RTN1: variants seen among roughly 807,000 people sequenced by gnomAD.
RTN1 encodes the protein reticulon 1.
In RTN1, 25 loss-of-function variants were observed where a neutral mutation model predicts 65.5. That is an observed-to-expected ratio of 0.38 (90% confidence interval 0.28 to 0.53). The LOEUF is 0.53. Ranked by LOEUF, RTN1 falls within the 20% of genes least tolerant of loss-of-function variation. The probability of loss-of-function intolerance (pLI) is 0.79; values close to 1 mark genes in which losing one functional copy is unlikely to be tolerated. For missense variants in RTN1, 983 were observed against 1,025.4 expected (o/e 0.96, Z 0.57); for synonymous variants, 471 against 447.6 (o/e 1.05, Z -0.66).
intron 1 of RTN1, among the ~76,000 whole-genome samples, chr14:59,840,386 G>A (rs972009729): frequency 6.6e-6 from 1 of 152,128 alleles, no homozygotes; most frequent in African/African-American, 2.4e-5. Flanking sequence ...TTTGTATAGT[G>A]GCTAAGAGCA....
intron 1 of RTN1, among the ~76,000 whole-genome samples, chr14:59,781,086 CA>C (rs574388721): frequency 1.3e-5 from 2 of 152,124 alleles, no homozygotes; most frequent in Non-Finnish European, 2.9e-5. Flanking sequence ...AGTACCCCAA[CA>C]ACCATGTGGA....
intron 1 of RTN1, among the ~76,000 whole-genome samples, chr14:59,767,126 C>T (rs1217676380): frequency 6.6e-6 from 1 of 152,240 alleles, no homozygotes; most frequent in Non-Finnish European, 1.5e-5. Flanking sequence ...AGTAAGTCCT[C>T]TCCCCACTCT....
chr14:59,804,332 G>C (rs143526352), intron 1 of RTN1, among the ~76,000 whole-genome samples: 143 of 152,226 alleles, frequency 9.4e-4, no homozygotes, highest in African/African-American at 3.3e-3. Flanking sequence ...ATAGAGGCCA[G>C]TGCCATTCTC....
chr14:59,715,899 A>C (rs1345803764), intron 3 of RTN1, among the ~76,000 whole-genome samples: 1 of 152,012 alleles, frequency 6.6e-6, no homozygotes, highest in Non-Finnish European at 1.5e-5. Context: ...CAATTAGACT[A>C]TTTTACTTAT....
intron 3 of RTN1, among the ~76,000 whole-genome samples, chr14:59,695,807 C>T (rs570528693): frequency 2.6e-4 from 39 of 151,866 alleles, no homozygotes; most frequent in East Asian, 5.8e-4. Flanking sequence ...TATATCAGCA[C>T]GATTTTGCTA....
chr14:59,828,837 T>C (rs533088576), intron 1 of RTN1, among the ~76,000 whole-genome samples: 1 of 152,278 alleles, frequency 6.6e-6, no homozygotes, highest in African/African-American at 2.4e-5. Context: ...AAGATACATA[T>C]ACTCATAGAT....
At chr14:59,761,086 C>T (rs1235302017) in intron 1 of RTN1, among the ~76,000 whole-genome samples, 1 of 152,130 alleles carries the variant, frequency 6.6e-6, no homozygotes, top group East Asian at 1.9e-4. Context: ...CATGCCGGTA[C>T]ATAAGTTGTC....
chr14:59,631,003 C>T (rs889724706), intron 3 of RTN1, among the ~76,000 whole-genome samples: 6 of 152,158 alleles, frequency 3.9e-5, no homozygotes, highest in Admixed American at 2.0e-4. Flanking sequence ...ACCAAGTCAA[C>T]GGCATCATAA....
At chr14:59,777,277 A>G (rs1430199023) in intron 1 of RTN1, among the ~76,000 whole-genome samples, 2 of 152,076 alleles carry the variant, frequency 1.3e-5, no homozygotes, top group African/African-American at 4.8e-5. Context: ...AATCCCTGGG[A>G]GTCTGGTTGC....
intron 2 of RTN1, among the ~76,000 whole-genome samples, chr14:59,735,716 G>T (rs562092175): frequency 1.3e-5 from 2 of 152,060 alleles, no homozygotes; most frequent in African/African-American, 2.4e-5. Context: ...CACACAACAC[G>T]TGGGCACCCA....
At position 59,727,116 on chromosome 14, in the gene RTN1, A is replaced by G. The variant is rs1884781937; in HGVS notation, c.1568T>C (p.Leu523Pro). ...RRGLAEPGSF[L>P]DYPSTEPQPG... ...CTGGGGCTCAGTTGAGGGGTAGTCG[A>G]GGAAGGAACCCGGCTCGGCCAGGCC... Residue 523 changes from leucine to proline, a missense_variant, in exon 3 of 9, where the codon CTC (leucine) becomes CCC (proline). Physicochemically the swap from Leu to Pro is moderately conservative, Grantham distance 98 (BLOSUM62 -3). This residue lies in a region of RTN1 where 818 missense variants were observed against 801.8 expected (regional missense o/e 1.02). Transcript: ENST00000267484. The surrounding 1 kb of genome is among the most constrained non-coding windows in gnomAD (Gnocchi z 4.2). 1.2e-6 allele frequency: 2 copies of G among 1,608,984 alleles called. No individual in the cohort carries two copies. The highest frequency in any genetic ancestry group is 1.7e-6 in the Non-Finnish European group (2 of 1,177,878).
At position 59,841,990 on chromosome 14, in the gene RTN1, G is replaced by A. The variant is rs1246360391; in HGVS notation, c.241+28400C>T. ...AAAATACAAAAATTAGCTGGGCATG[G>A]TGGTGCGTGCCTGTAGTCCCAGCTA... On this transcript the variant is annotated intron_variant, in intron 1 of 8. Coordinates refer to ENST00000267484, the MANE Select transcript of RTN1 (RefSeq NM_021136.3). 2.0e-5 allele frequency among the ~76,000 whole-genome samples: 3 copies of A among 152,042 alleles called. 1 individual carries two copies. Among genetic ancestry groups the A allele is most frequent in the Non-Finnish European group, 4.4e-5 (3 of 68,024 alleles).
chr14:59,720,055 T>C (rs1216258751), intron 3 of RTN1, among the ~76,000 whole-genome samples: 1 of 152,006 alleles, frequency 6.6e-6, no homozygotes, highest in African/African-American at 2.4e-5. Flanking sequence ...ACTAGGAGGG[T>C]TTATTGTGTC....
chr14:59,640,102 G>A (rs923150399), intron 3 of RTN1, among the ~76,000 whole-genome samples: 3 of 152,130 alleles, frequency 2.0e-5, no homozygotes, highest in Non-Finnish European at 4.4e-5. Context: ...TTTGCTGAAA[G>A]AGTTTATGTA....
At chr14:59,731,486 A>G (rs955357863) in intron 2 of RTN1, among the ~76,000 whole-genome samples, 23 of 152,194 alleles carry the variant, frequency 1.5e-4, no homozygotes, top group Middle Eastern at 3.2e-3. Context: ...TGTATAGTAT[A>G]TGGATTATAT....
At chr14:59,820,123 G>C (rs1886914098) in intron 1 of RTN1, among the ~76,000 whole-genome samples, 1 of 152,214 alleles carries the variant, frequency 6.6e-6, no homozygotes, top group South Asian at 2.1e-4. Context: ...TTGTGGTTTT[G>C]ATTTGCATTT....
Position 59,607,391 on chromosome 14 carries a change from C to T in RTN1, c.1867G>A (p.Val623Ile), listed in dbSNP as rs577799438. The part of the protein sequence containing the change: ...FSLTQFSVVS[V>I]VAYLALAALS... ...GCGGCCAGGGCCAGGTAGGCCACGACGCTCACCACGCTGAACTGGGTCAGG... is the reference window on the plus strand; with the variant it reads ...GCGGCCAGGGCCAGGTAGGCCACGATGCTCACCACGCTGAACTGGGTCAGG... The change falls in exon 4 of 9, where the codon GTC becomes ATC. Residue 623 changes from valine to isoleucine, a missense_variant. Val to Ile is a conservative substitution (Grantham distance 29). This residue lies in a region of RTN1 where 165 missense variants were observed against 223.6 expected (regional missense o/e 0.74). Transcript: ENST00000267484. 65 of 1,614,024 alleles carry T rather than the reference C, an allele frequency of 4.0e-5. No homozygotes were observed. The highest frequency in any genetic ancestry group is 1.6e-4 in the Middle Eastern group (1 of 6,062).
chr14:59,605,217 G>T, intron 5 of RTN1, 151 bp downstream of exon 5: 3 of 720,642 alleles, frequency 4.2e-6, no homozygotes, highest in South Asian at 4.1e-5. Flanking sequence ...GGATTAGACT[G>T]GTTCATGGTG....
chr14:59,830,873 A>G (rs1008728787), intron 1 of RTN1, among the ~76,000 whole-genome samples: 7 of 152,146 alleles, frequency 4.6e-5, no homozygotes, highest in Non-Finnish European at 8.8e-5. Context: ...CTATATTATC[A>G]TTTTTGTTAT....
Sources: allele counts gnomAD v4.1 joint callset (sites outside exome capture counted in the v4.1 genomes callset), GRCh38; gene constraint gnomAD v4.1.1; regional missense constraint gnomAD v4.1.1; non-coding constraint Gnocchi (gnomAD v3.1); transcripts MANE v1.5; gene names NCBI Gene and HGNC (gene_info 2026-07-23, HGNC 2026-07-21).